PAX5: variants seen among roughly 807,000 people sequenced by gnomAD.
PAX5 encodes the protein paired box protein Pax-5.
PAX5 carries 9 observed loss-of-function variants against 43.7 expected under a neutral mutation model. That is an observed-to-expected ratio of 0.21 (90% CI 0.12 to 0.36). PAX5 has a LOEUF of 0.36. PAX5 is among the 10% of genes least tolerant of loss of function. PAX5 has a pLI of 1.00. For missense variants in PAX5, 383 were observed against 532.7 expected, an observed-to-expected ratio of 0.72 and a Z score of 2.77; for synonymous variants, 228 against 214.3, an observed-to-expected ratio of 1.06 and a Z score of -0.56.
intron 8 of PAX5, among the ~76,000 whole-genome samples, chr9:36,881,547 T>A (rs1826411843): frequency 6.6e-6 from 1 of 151,344 alleles, no homozygotes; most frequent in Non-Finnish European, 1.5e-5. Flanking sequence ...CCATCCAACA[T>A]CCCGTCTGTC....
intron 5 of PAX5, among the ~76,000 whole-genome samples, chr9:36,993,747 G>A (rs191453573): frequency 0.16 from 24,816 of 152,134 alleles, 2,121 homozygotes; most frequent in South Asian, 0.25. Flanking sequence ...GTTCCAGACC[G>A]CCTTGGCAGG....
chr9:37,017,163 A>G (rs1839452697), intron 2 of PAX5, among the ~76,000 whole-genome samples: 1 of 152,242 alleles, frequency 6.6e-6, no homozygotes, highest in South Asian at 2.1e-4. Context: ...TATAATGTAA[A>G]GCCAATTTTT....
intron 8 of PAX5, among the ~76,000 whole-genome samples, chr9:36,859,080 T>G (rs189880734): frequency 6.6e-6 from 1 of 152,280 alleles, no homozygotes; most frequent in East Asian, 1.9e-4. Flanking sequence ...GGGTTCACTG[T>G]GTGCTGAGAA....
chr9:36,865,162 C>T (rs1024198732), intron 8 of PAX5, among the ~76,000 whole-genome samples: 3 of 152,220 alleles, frequency 2.0e-5, no homozygotes, highest in Non-Finnish European at 4.4e-5. Flanking sequence ...TTTGGAAACA[C>T]AGGCCAGGCA....
rs74921737 is a variant in PAX5 at position 37,028,071 on chromosome 9, G to A, written c.46+5915C>T. 4.1e-3 allele frequency among the ~76,000 whole-genome samples: 631 copies of A among 152,338 alleles called. 4 individuals carry two copies. Among genetic ancestry groups the A allele is most frequent in the African/African-American group, 0.014 (601 of 41,572 alleles). On this transcript the variant is annotated intron_variant, in intron 1 of 9. Transcript: ENST00000358127. ...ATCCTGGGACGCTCTCAAGGCTTGA[G>A]AGCAGTCGATTGAAGGGTGAGAATG...
chr9:36,879,686 A>T (rs1321147122), intron 8 of PAX5, among the ~76,000 whole-genome samples: 5 of 152,162 alleles, frequency 3.3e-5, no homozygotes, highest in Admixed American at 3.3e-4. Flanking sequence ...GAAAACAGGG[A>T]TTACTCTCCT....
chr9:36,858,503 C>G (rs899866066), intron 8 of PAX5, among the ~76,000 whole-genome samples: 6 of 152,134 alleles, frequency 3.9e-5, no homozygotes, highest in African/African-American at 1.4e-4. Flanking sequence ...TTTCCTCCCC[C>G]CAGTTTCTGC....
At chr9:37,003,806 C>T (rs1486042718) in intron 4 of PAX5, among the ~76,000 whole-genome samples, 3 of 152,194 alleles carry the variant, frequency 2.0e-5, no homozygotes, top group Non-Finnish European at 4.4e-5. Context: ...CACTGTACTC[C>T]AGCCTGGGCA....
At chr9:36,954,048 G>T (rs530073038) in intron 6 of PAX5, among the ~76,000 whole-genome samples, 1 of 152,186 alleles carries the variant, frequency 6.6e-6, no homozygotes, top group Admixed American at 6.5e-5. Context: ...CTCCAGCTTG[G>T]GTGACAGAGC....
intron 5 of PAX5, among the ~76,000 whole-genome samples, chr9:36,977,102 A>G (rs1405533140): frequency 6.6e-6 from 1 of 152,202 alleles, no homozygotes; most frequent in Non-Finnish European, 1.5e-5. Context: ...GAGCCTGAGA[A>G]GCAGACACAG....
At chr9:36,924,866 A>T (rs941645580) in intron 6 of PAX5, among the ~76,000 whole-genome samples, 4 of 7,242 alleles carry the variant, frequency 5.5e-4, no homozygotes, top group South Asian at 4.4e-3. Flanking sequence ...GGGAATTTGC[A>T]AACACTTAAG....
chr9:36,999,760 C>T (rs1429018579), intron 5 of PAX5, among the ~76,000 whole-genome samples: 1 of 152,206 alleles, frequency 6.6e-6, no homozygotes, highest in Non-Finnish European at 1.5e-5. Context: ...GCCAGCCGGC[C>T]AGTGTGCCTG....
At chr9:37,007,286 T>A (rs1420551985) in intron 3 of PAX5, among the ~76,000 whole-genome samples, 1 of 152,228 alleles carries the variant, frequency 6.6e-6, no homozygotes, top group African/African-American at 2.4e-5. Context: ...ATTGTGGACC[T>A]CCGATACAAT....
intron 7 of PAX5, among the ~76,000 whole-genome samples, chr9:36,914,071 A>G (rs1162235817): frequency 6.6e-6 from 1 of 152,158 alleles, no homozygotes; most frequent in East Asian, 1.9e-4. Flanking sequence ...TTGAAAATCC[A>G]TGGGGGCTTC....
At chr9:36,913,582 C>T (rs1485932763) in intron 7 of PAX5, among the ~76,000 whole-genome samples, 1 of 152,264 alleles carries the variant, frequency 6.6e-6, no homozygotes, top group Admixed American at 6.5e-5. Flanking sequence ...GCCCAAACTG[C>T]TGACAGTGCA....
At chr9:36,966,151 GTGAGCCCCCAGGCC>G (rs1834411521) in intron 6 of PAX5, among the ~76,000 whole-genome samples, 1 of 152,258 alleles carries the variant, frequency 6.6e-6, no homozygotes. Flanking sequence ...TTCACGGCCG[GTGAGCCCCCAGGCC>G]GCGTGCTGGT....
intron 8 of PAX5, among the ~76,000 whole-genome samples, chr9:36,850,615 TAC>T (rs1376380075): frequency 6.6e-6 from 1 of 152,102 alleles, no homozygotes; most frequent in Non-Finnish European, 1.5e-5. Context: ...CTCTCAAAAA[TAC>T]TAACCCCTGG....
At chr9:36,946,908 C>T (rs564861743) in intron 6 of PAX5, among the ~76,000 whole-genome samples, 54 of 152,268 alleles carry the variant, frequency 3.5e-4, no homozygotes, top group African/African-American at 9.4e-4. Flanking sequence ...GACTCAGCCA[C>T]GTGCAGGGCC....
intron 6 of PAX5, among the ~76,000 whole-genome samples, chr9:36,935,501 C>A (rs1299647397): frequency 1.3e-5 from 2 of 152,252 alleles, no homozygotes; most frequent in Non-Finnish European, 2.9e-5. Context: ...CCAGGCCCCC[C>A]TCAGGCACAC....
Sources: allele counts gnomAD v4.1 joint callset (sites outside exome capture counted in the v4.1 genomes callset), GRCh38; gene constraint gnomAD v4.1.1; transcripts MANE v1.5; gene names NCBI Gene and HGNC (gene_info 2026-07-23, HGNC 2026-07-21).